ZMYND12: variants seen among roughly 807,000 people sequenced by gnomAD.
ZMYND12 encodes the protein zinc finger MYND domain-containing protein 12.
ZMYND12 carries 32 observed loss-of-function variants against 41.7 expected under a neutral mutation model. The observed-to-expected ratio is 0.77, with a 90% CI of 0.58 to 1.03. The LOEUF (loss-of-function observed/expected upper bound fraction) is 1.03. Ranked by LOEUF, ZMYND12 falls within the 50% of genes least tolerant of loss-of-function variation. The pLI is 0.00. For missense variants in ZMYND12, 424 were observed against 438.5 expected, an observed-to-expected ratio of 0.97 and a Z score of 0.30; for synonymous variants, 148 against 164.8, an observed-to-expected ratio of 0.90 and a Z score of 0.78.
At chr1:42,436,277 A>G in intron 5 of ZMYND12, 144 bp downstream of exon 5, 3 of 1,076,166 alleles carry the variant, frequency 2.8e-6, no homozygotes, top group East Asian at 5.2e-5. Context: ...ATCATGTATC[A>G]GGCTATATAG....
intron 7 of ZMYND12, 196 bp downstream of exon 7, chr1:42,432,947 G>T: frequency 1.6e-6 from 1 of 618,064 alleles, no homozygotes; most frequent in Non-Finnish European, 2.7e-6. Context: ...ACCCTCGGGG[G>T]AAGAAGACAA....
At chr1:42,433,439 A>C in intron 6 of ZMYND12, 151 bp from the exon 7 acceptor site, 1 of 866,616 alleles carries the variant, frequency 1.2e-6, no homozygotes, top group Non-Finnish European at 1.7e-6. Context: ...TTTTTTACCT[A>C]GAGGACTCCC....
chr1:42,433,249 G>A lies in ZMYND12; in HGVS notation c.869C>T (p.Ser290Leu), dbSNP rs867816415. ...QEAEAIRILT[S>L]ILNIRESTSD... ...TGTAGATTCTCGAATGTTCAAGATTGAAGTCAGGATGCGAATGGCTTCTGC... is the reference window on the plus strand; with the variant it reads ...TGTAGATTCTCGAATGTTCAAGATTAAAGTCAGGATGCGAATGGCTTCTGC... Residue 290 changes from serine to leucine, a missense_variant, in exon 7 of 8, where the codon TCA becomes TTA. By Grantham distance (145) the Ser-to-Leu change is moderately radical. Coordinates refer to ENST00000372565, the MANE Select transcript of ZMYND12 (RefSeq NM_032257.5). 8 of 1,611,076 alleles carry A rather than the reference G, an allele frequency of 5.0e-6. No individual in the cohort carries two copies. The highest frequency in any genetic ancestry group is 6.8e-6 in the Non-Finnish European group (8 of 1,179,200).
At chr1:42,447,206 A>G (rs1643033668) in intron 3 of ZMYND12, among the ~76,000 whole-genome samples, 2 of 152,226 alleles carry the variant, frequency 1.3e-5, no homozygotes, top group Admixed American at 1.3e-4. Context: ...AATGAACATC[A>G]TCAGTAATGA....
chr1:42,445,015 C>T (rs890751361), intron 3 of ZMYND12, among the ~76,000 whole-genome samples: 1 of 151,078 alleles, frequency 6.6e-6, no homozygotes, highest in Non-Finnish European at 1.5e-5. Context: ...TCACCGTGTT[C>T]GCCAGGATGG....
intron 6 of ZMYND12, 65 bp downstream of exon 6, chr1:42,435,209 G>T: frequency 7.9e-7 from 1 of 1,262,240 alleles, no homozygotes; most frequent in Non-Finnish European, 1.2e-6. Flanking sequence ...CCCTCTTAGG[G>T]ACAAGGTCTG....
At position 42,436,663 on chromosome 1, in the gene ZMYND12, CA is replaced by C. The variant is rs1642911684; in HGVS notation, c.595-121del. Reference sequence around the variant, plus strand: ...TACAACATTCCAATTTAAAAATGGGCAAAAGATCTGAATTGACATTTCTCCA... The same window carrying C: ...TACAACATTCCAATTTAAAAATGGGCAAAGATCTGAATTGACATTTCTCCA... On this transcript the variant is annotated intron_variant, in intron 4 of 7. Transcript: ENST00000372565. 62 of 1,193,072 alleles carry C rather than the reference CA, an allele frequency of 5.2e-5. 2 individuals carry two copies. The South Asian group carries it at 9.5e-4, about 18-fold the overall frequency. The allele number at this position is 1,193,072 out of a possible 1,614,324, so 73.9% of individuals were successfully genotyped here. A position where few individuals can be genotyped will look rare whatever the true frequency, so the allele number is the denominator to read the frequency against.
chr1:42,438,291 T>C (rs1269246398), intron 4 of ZMYND12, among the ~76,000 whole-genome samples: 1 of 152,150 alleles, frequency 6.6e-6, no homozygotes, highest in Non-Finnish European at 1.5e-5. Context: ...ACTTGACATG[T>C]AGAAGGGTTA....
chr1:42,450,105 C>G (rs1480510840), intron 1 of ZMYND12, 46 bp from the exon 2 acceptor site: 2 of 1,602,296 alleles, frequency 1.2e-6, no homozygotes, highest in East Asian at 2.2e-5. Flanking sequence ...TTTGGCATGA[C>G]TTAAGATTCC....
rs1403384568 is a variant in ZMYND12 at position 42,454,552 on chromosome 1, C to T, written c.110+1336G>A. Reference sequence around the variant, plus strand: ...TATCTGCCACACTGCAGCCCATCCTCTTTCCTTAACACAAATGAGAGCATG... The same window carrying T: ...TATCTGCCACACTGCAGCCCATCCTTTTTCCTTAACACAAATGAGAGCATG... On this transcript the variant is annotated intron_variant, in intron 1 of 7. Transcript: ENST00000372565. Among the ~76,000 whole-genome samples, 3 of 152,176 alleles carry T rather than the reference C, an allele frequency of 2.0e-5. No individual in the cohort carries two copies. The East Asian group carries it at 5.8e-4, about 29-fold the overall frequency.
intron 2 of ZMYND12, among the ~76,000 whole-genome samples, chr1:42,448,845 T>C (rs1332013915): frequency 6.6e-6 from 1 of 152,162 alleles, no homozygotes. Context: ...CCCAGGAACA[T>C]GTGTATTTTC....
intron 1 of ZMYND12, among the ~76,000 whole-genome samples, chr1:42,451,329 A>G (rs574412610): frequency 6.6e-6 from 1 of 152,154 alleles, no homozygotes; most frequent in African/African-American, 2.4e-5. Context: ...TTTTTGCTGC[A>G]TGTATTTTGA....
At chr1:42,433,687 G>A (rs1642877996) in intron 6 of ZMYND12, among the ~76,000 whole-genome samples, 1 of 152,224 alleles carries the variant, frequency 6.6e-6, no homozygotes, top group South Asian at 2.1e-4. Context: ...GCTGAGAGGA[G>A]AGAACTGGGG....
chr1:42,444,394 A>G (rs908018651), intron 3 of ZMYND12, among the ~76,000 whole-genome samples: 1 of 152,224 alleles, frequency 6.6e-6, no homozygotes, highest in Admixed American at 6.5e-5. Flanking sequence ...TGTGCACAGG[A>G]AAGTGATTTC....
intron 3 of ZMYND12, among the ~76,000 whole-genome samples, chr1:42,442,042 G>T (rs1642976863): frequency 6.6e-6 from 1 of 152,156 alleles, no homozygotes; most frequent in Admixed American, 6.5e-5. Flanking sequence ...GACTGTATCG[G>T]CCTGTGATGC....
chr1:42,436,308 C>T, intron 5 of ZMYND12, 113 bp downstream of exon 5: 2 of 1,476,122 alleles, frequency 1.4e-6, no homozygotes, highest in Non-Finnish European at 1.8e-6. Context: ...GCCACTTCAT[C>T]TCTCTGTGCC....
intron 5 of ZMYND12, among the ~76,000 whole-genome samples, chr1:42,435,930 G>A (rs1283824868): frequency 6.6e-6 from 1 of 152,180 alleles, no homozygotes. Context: ...ATGATTGCCT[G>A]CTAAGTGAGG....
In ZMYND12 at chr1:42,455,897, G is replaced by C. The variant is rs756155471; in HGVS notation, c.101C>G (p.Thr34Ser). 4 of 1,612,034 alleles carry C rather than the reference G, an allele frequency of 2.5e-6. No individual in the cohort carries two copies. The stretch of plus-strand genomic sequence containing the variant: ...ACGTTTCAGGGCCTACCAGTAATAA[G>C]TGACTGTGCAGGCCGCGCACACCCG... Reference protein sequence around the residue: ...AERVCAACTVTYYCGVVHQKA... With the variant: ...AERVCAACTVSYYCGVVHQKA... The change falls in exon 1 of 8, where the codon ACT (threonine) becomes AGT (serine). Residue 34 changes from threonine (T) to serine (S), a missense_variant. Thr to Ser is a moderately conservative substitution (Grantham distance 58, BLOSUM62 1). Coordinates refer to ENST00000372565, the MANE Select transcript of ZMYND12 (RefSeq NM_032257.5).
chr1:42,454,709 T>C (rs1643129643), intron 1 of ZMYND12, among the ~76,000 whole-genome samples: 1 of 150,678 alleles, frequency 6.6e-6, no homozygotes, highest in African/African-American at 2.5e-5. Flanking sequence ...TCCAACTTTT[T>C]TTTTTTTTTT....
Sources: gnomAD v4.1 joint callset for allele counts (sites outside exome capture counted in the v4.1 genomes callset) on GRCh38, gnomAD v4.1.1 for gene constraint, MANE v1.5 for transcripts, NCBI Gene and HGNC (gene_info 2026-07-23, HGNC 2026-07-21) for gene names.